PGS1: variants seen among roughly 807,000 people sequenced by gnomAD.
The protein encoded by PGS1 is phosphatidylglycerophosphate synthase 1, also known as CDP-diacylglycerol--glycerol-3-phosphate 3-phosphatidyltransferase, mitochondrial.
PGS1 carries 44 observed loss-of-function variants against 58.3 expected under a neutral mutation model. The observed-to-expected ratio is 0.75, with a 90% confidence interval of 0.59 to 0.97. The LOEUF (loss-of-function observed/expected upper bound fraction) is 0.97, where lower values mean the gene tolerates loss of function less well. Among genes scored for constraint, PGS1 ranks in the 50% least tolerant of loss-of-function variants. PGS1 has a pLI of 0.00. For synonymous variants in PGS1, 330 were observed against 311.0 expected (o/e 1.06, Z -0.64); for missense variants, 684 against 731.1 (o/e 0.94, Z 0.74).
chr17:78,421,341 T>G (rs1189566986), intron 9 of PGS1: 1 of 152,286 alleles, frequency 6.6e-6, no homozygotes, highest in African/African-American at 2.4e-5. Context: ...ATTTAGTCCC[T>G]GCACTTTGCC....
chr17:78,379,857 A>G (rs1400755511), intron 1 of PGS1, among the ~76,000 whole-genome samples: 1 of 151,096 alleles, frequency 6.6e-6, no homozygotes, highest in Non-Finnish European at 1.5e-5. Context: ...TTGTGTGCAA[A>G]TAGTTTTCTT....
rs776601455 is a variant in PGS1, at chr17:78,424,047, C to T, written c.*11-14C>T. Reference sequence around the variant, plus strand: ...GACACTCATAGATGTTCTTGGTCTCCATGCGGTCCACAGGAATGGCCTTGA... The same window carrying T: ...GACACTCATAGATGTTCTTGGTCTCTATGCGGTCCACAGGAATGGCCTTGA... On this transcript the variant is annotated splice_polypyrimidine_tract_variant and intron_variant, in intron 9 of 9. Coordinates refer to ENST00000262764, the MANE Select transcript of PGS1 (RefSeq NM_024419.5). The T allele has an allele frequency of 4.3e-6, 7 of 1,613,928 alleles. No individual in the cohort carries two copies. Among genetic ancestry groups the T allele is most frequent in the Non-Finnish European group, 5.1e-6 (6 of 1,179,912 alleles).
chr17:78,380,108 C>A (rs1400017262), intron 1 of PGS1, among the ~76,000 whole-genome samples: 1 of 152,034 alleles, frequency 6.6e-6, no homozygotes, highest in Non-Finnish European at 1.5e-5. Flanking sequence ...TCAGTTGATC[C>A]ACCTGCCTCG....
chr17:78,402,660 C>A (rs1298336900), intron 6 of PGS1, among the ~76,000 whole-genome samples: 1 of 152,158 alleles, frequency 6.6e-6, no homozygotes, highest in Non-Finnish European at 1.5e-5. Flanking sequence ...GTTGGTCAGG[C>A]TGGTCTCAAA....
At position 78,420,219 on chromosome 17, in the gene PGS1, C is replaced by T. The variant is rs569361416; in HGVS notation, c.*10+544C>T. 4.2e-5 allele frequency: 42 copies of T among 996,254 alleles called. No individual in the cohort carries two copies. In the South Asian group the frequency reaches 7.9e-4, roughly 19 times the overall value. 61.7% of individuals were successfully genotyped at this position (996,254 alleles called of 1,614,324 possible). On this transcript the variant is annotated intron_variant, in intron 9 of 9. Transcript: ENST00000262764. ...TCCCTGTGCTGCGGTTACAGAGCTG[C>T]GCCCTTCTAGACTCTGGAAGTTGAG...
At chr17:78,416,549 A>G (rs2085205887) in intron 8 of PGS1, among the ~76,000 whole-genome samples, 1 of 147,750 alleles carries the variant, frequency 6.8e-6, no homozygotes, top group Non-Finnish European at 1.5e-5. Context: ...CTGCCCTAGT[A>G]AGGGCACTGA....
chr17:78,396,282 A>G, intron 2 of PGS1, 26 bp from the exon 3 acceptor site: 1 of 1,581,106 alleles, frequency 6.3e-7, no homozygotes, highest in Non-Finnish European at 8.7e-7. Flanking sequence ...GATGAATTTG[A>G]ATTTTGAATT....
chr17:78,393,845 T>G (rs1187849833), intron 2 of PGS1, among the ~76,000 whole-genome samples: 1 of 152,178 alleles, frequency 6.6e-6, no homozygotes, highest in Non-Finnish European at 1.5e-5. Context: ...AACACTGATT[T>G]TTAACAGCAT....
intron 2 of PGS1, among the ~76,000 whole-genome samples, chr17:78,396,020 G>A (rs532008331): frequency 1.3e-5 from 2 of 152,370 alleles, no homozygotes; most frequent in South Asian, 2.1e-4. Flanking sequence ...GATTATAGGC[G>A]TGAGCCACTA....
intron 3 of PGS1, among the ~76,000 whole-genome samples, chr17:78,396,846 A>G (rs1243682554): frequency 6.6e-6 from 1 of 152,212 alleles, no homozygotes; most frequent in African/African-American, 2.4e-5. Context: ...ACACAGCCAC[A>G]CTCATTCATT....
At chr17:78,387,205 T>C (rs1382509896) in intron 1 of PGS1, among the ~76,000 whole-genome samples, 3 of 151,734 alleles carry the variant, frequency 2.0e-5, no homozygotes, top group Non-Finnish European at 4.4e-5. Context: ...GGTTTTGCCA[T>C]GTTGGCTAGG....
At chr17:78,389,892 A>G (rs1289659815) in intron 1 of PGS1, among the ~76,000 whole-genome samples, 2 of 152,218 alleles carry the variant, frequency 1.3e-5, no homozygotes, top group Non-Finnish European at 1.5e-5. Context: ...CTAAGATTAT[A>G]GGCATGAGCC....
intron 5 of PGS1, 114 bp downstream of exon 5, chr17:78,399,651 G>A (rs558488351): frequency 9.5e-7 from 1 of 1,056,350 alleles, no homozygotes; most frequent in East Asian, 2.5e-5. Flanking sequence ...CTGCTTGTAG[G>A]TCTGGCTGCT....
chr17:78,406,912 C>A (rs1019966487), intron 7 of PGS1, among the ~76,000 whole-genome samples: 1 of 152,230 alleles, frequency 6.6e-6, no homozygotes, highest in South Asian at 2.1e-4. Flanking sequence ...CTGACTCTGC[C>A]ACGGGTTATT....
chr17:78,413,181 AC>A (rs1192355736), intron 7 of PGS1, among the ~76,000 whole-genome samples: 2 of 152,164 alleles, frequency 1.3e-5, no homozygotes, highest in African/African-American at 4.8e-5. Flanking sequence ...AGGGGTGGAG[AC>A]GAGCCCATTA....
chr17:78,419,251 T>G (rs369480298), intron 8 of PGS1, among the ~76,000 whole-genome samples: 1 of 152,228 alleles, frequency 6.6e-6, no homozygotes. Context: ...GCTCAAGCGA[T>G]CCTCCTGTCT....
At position 78,399,134 on chromosome 17, in the gene PGS1, G is replaced by A. The variant is rs542369965; in HGVS notation, c.512-214G>A. ...GTGCTGTGTGGCAAGAAGAGCAGGC[G>A]TCTGCCACGCTGAGGACTTCAGGCC... On this transcript the variant is annotated intron_variant, in intron 4 of 9. Transcript: ENST00000262764. 2.6e-5 allele frequency among the ~76,000 whole-genome samples: 4 copies of A among 152,364 alleles called. No homozygotes were observed. In the East Asian group the frequency reaches 5.8e-4, roughly 22 times the overall value.
intron 9 of PGS1, chr17:78,420,338 T>C (rs2085602145): frequency 3.5e-6 from 2 of 575,344 alleles, no homozygotes; most frequent in Non-Finnish European, 4.4e-6. Flanking sequence ...CCCTGGACTG[T>C]CTTGACGCCT....
At chr17:78,421,056 G>GT (rs1260730711) in intron 9 of PGS1, 10 of 152,152 alleles carry the variant, frequency 6.6e-5, no homozygotes, top group Admixed American at 5.2e-4. Context: ...CCTTGTGATT[G>GT]TTTTTTCCCT....
Sources: gnomAD v4.1 joint callset for allele counts (sites outside exome capture counted in the v4.1 genomes callset) on GRCh38, gnomAD v4.1.1 for gene constraint, MANE v1.5 for transcripts, NCBI Gene and HGNC (gene_info 2026-07-23, HGNC 2026-07-21) for gene names.